The following SORCS3 variants were observed in gnomAD, a reference collection of about 807,000 sequenced individuals.
The protein encoded by SORCS3 is VPS10 domain-containing receptor SorCS3.
Under a neutral mutation model 146.3 loss-of-function variants are expected in SORCS3, and 57 were observed. The ratio of observed to expected loss-of-function variants is 0.39; its 90% CI spans 0.31 to 0.49. The LOEUF is 0.49. SORCS3 is among the 20% of genes least tolerant of loss of function. The pLI is 0.92. For synonymous variants in SORCS3, 653 were observed against 618.5 expected, an observed-to-expected ratio of 1.06 and a Z score of -0.83; for missense variants, 1,341 against 1,575.5, an observed-to-expected ratio of 0.85 and a Z score of 2.52.
intron 20 of SORCS3, among the ~76,000 whole-genome samples, chr10:105,232,818 T>G (rs2056772757): frequency 6.6e-6 from 1 of 152,108 alleles, no homozygotes. Flanking sequence ...TCTCCGTGTA[T>G]TTTGGGACTT....
chr10:105,169,915 G>A (rs1323337469), intron 13 of SORCS3, among the ~76,000 whole-genome samples: 2 of 152,082 alleles, frequency 1.3e-5, no homozygotes, highest in African/African-American at 4.8e-5. Flanking sequence ...AGCTGGCCTG[G>A]TTTCTTCCCT....
chr10:105,062,717 C>A (rs981801676), intron 5 of SORCS3, among the ~76,000 whole-genome samples: 1 of 152,168 alleles, frequency 6.6e-6, no homozygotes, highest in African/African-American at 2.4e-5. Flanking sequence ...AAGAACAAAA[C>A]CTAAAGACTC....
At chr10:105,119,581 A>C (rs568121608) in intron 7 of SORCS3, among the ~76,000 whole-genome samples, 7 of 152,180 alleles carry the variant, frequency 4.6e-5, no homozygotes, top group Non-Finnish European at 1.0e-4. Flanking sequence ...ATACCCTGCA[A>C]AGCCACAGGG....
chr10:105,094,644 G>T (rs2055733285), intron 6 of SORCS3, among the ~76,000 whole-genome samples: 1 of 152,212 alleles, frequency 6.6e-6, no homozygotes, highest in Non-Finnish European at 1.5e-5. Context: ...AATGTTGCTA[G>T]CACACTCTGA....
At chr10:104,725,544 CT>C (rs1002228139) in intron 1 of SORCS3, among the ~76,000 whole-genome samples, 12 of 152,128 alleles carry the variant, frequency 7.9e-5, no homozygotes, top group African/African-American at 2.4e-4. Context: ...TTTCTGCTGC[CT>C]TTTTTTTGGC....
At chr10:105,096,510 G>A (rs929799537) in intron 6 of SORCS3, among the ~76,000 whole-genome samples, 3 of 152,194 alleles carry the variant, frequency 2.0e-5, no homozygotes, top group Non-Finnish European at 4.4e-5. Context: ...TATGCACACA[G>A]ATCATTGTTG....
At chr10:104,798,626 C>G (rs186601267) in intron 1 of SORCS3, among the ~76,000 whole-genome samples, 5 of 152,246 alleles carry the variant, frequency 3.3e-5, no homozygotes, top group East Asian at 1.9e-4. Context: ...TAGTTTCTTA[C>G]AAAACTAAGT....
intron 1 of SORCS3, among the ~76,000 whole-genome samples, chr10:104,823,665 T>C (rs987596177): frequency 7.2e-4 from 110 of 152,196 alleles, no homozygotes; most frequent in Non-Finnish European, 1.1e-3. Flanking sequence ...GACATCTTCA[T>C]GGTATTTAAT....
intron 1 of SORCS3, among the ~76,000 whole-genome samples, chr10:104,737,260 G>A (rs1230467945): frequency 1.3e-5 from 2 of 152,094 alleles, no homozygotes; most frequent in African/African-American, 4.8e-5. Flanking sequence ...TGTCTTTATA[G>A]CAGCATGATT....
intron 1 of SORCS3, among the ~76,000 whole-genome samples, chr10:104,788,129 G>A (rs759139736): frequency 2.6e-5 from 4 of 152,182 alleles, no homozygotes; most frequent in African/African-American, 2.4e-5. Flanking sequence ...AGAGATGCAT[G>A]TTCTCTCTCC....
chr10:105,087,705 A>C (rs770596100), intron 5 of SORCS3, among the ~76,000 whole-genome samples: 1 of 152,222 alleles, frequency 6.6e-6, no homozygotes, highest in Admixed American at 6.5e-5. Context: ...ATGGTTCAAA[A>C]ATAAATAAGA....
chr10:104,939,077 A>G lies in SORCS3; in HGVS notation c.795+23145A>G, dbSNP rs146338268. ...TCTGCTGGCCTCTCCTGTCACTGCT[A>G]TAGGATTAATGGCTTCCAGCTGTGA... On this transcript the variant is annotated intron_variant, in intron 3 of 26. Coordinates refer to ENST00000369701, the MANE Select transcript of SORCS3 (RefSeq NM_014978.3). Among the ~76,000 whole-genome samples, 8 of 152,334 alleles carry G rather than the reference A, an allele frequency of 5.3e-5. No homozygotes were observed. In the East Asian group the frequency reaches 9.6e-4, roughly 18 times the overall value.
At chr10:105,140,919 A>T (rs1397200343) in intron 8 of SORCS3, among the ~76,000 whole-genome samples, 1 of 152,146 alleles carries the variant, frequency 6.6e-6, no homozygotes, top group African/African-American at 2.4e-5. Flanking sequence ...CAGGAAAGAG[A>T]TATTCCAGCT....
intron 2 of SORCS3, among the ~76,000 whole-genome samples, chr10:104,844,383 C>A (rs779623285): frequency 6.6e-6 from 1 of 152,214 alleles, no homozygotes; most frequent in African/African-American, 2.4e-5. Context: ...TGAAGAACAG[C>A]TATTCCTGCT....
intron 1 of SORCS3, among the ~76,000 whole-genome samples, chr10:104,744,890 T>C (rs2016889378): frequency 6.6e-6 from 1 of 152,226 alleles, no homozygotes; most frequent in South Asian, 2.1e-4. Flanking sequence ...GAAGACACGT[T>C]GTTTGCTTCA....
intron 14 of SORCS3, among the ~76,000 whole-genome samples, chr10:105,192,805 C>G (rs1269652723): frequency 1.3e-5 from 2 of 152,104 alleles, no homozygotes; most frequent in Non-Finnish European, 2.9e-5. Flanking sequence ...CTTCTTGAAA[C>G]TTCTCTCAGC....
intron 1 of SORCS3, among the ~76,000 whole-genome samples, chr10:104,794,057 A>T (rs1027448425): frequency 6.6e-6 from 1 of 152,176 alleles, no homozygotes; most frequent in African/African-American, 2.4e-5. Context: ...CCTTTCTCTC[A>T]TCTCAGTTTT....
intron 5 of SORCS3, among the ~76,000 whole-genome samples, chr10:105,067,698 C>T (rs1009180499): frequency 2.6e-5 from 4 of 152,184 alleles, no homozygotes; most frequent in Non-Finnish European, 5.9e-5. Flanking sequence ...ACTTCCTTTA[C>T]TGCAACCATC....
At chr10:104,887,700 G>A (rs561137690) in intron 2 of SORCS3, among the ~76,000 whole-genome samples, 2 of 152,228 alleles carry the variant, frequency 1.3e-5, no homozygotes, top group South Asian at 2.1e-4. Flanking sequence ...TGTTTAGATC[G>A]CATGTGAACT....
Sources: gnomAD v4.1 joint callset for allele counts (sites outside exome capture counted in the v4.1 genomes callset) on GRCh38, gnomAD v4.1.1 for gene constraint, MANE v1.5 for transcripts, NCBI Gene and HGNC (gene_info 2026-07-23, HGNC 2026-07-21) for gene names.